The following NELL1 variants were observed in gnomAD, a reference collection of about 807,000 sequenced individuals.
The protein encoded by NELL1 is neural EGFL like 1.
NELL1 carries 76 observed loss-of-function variants against 107.4 expected under a neutral mutation model. The ratio of observed to expected loss-of-function variants is 0.71; its 90% confidence interval spans 0.59 to 0.86. NELL1 has a LOEUF of 0.86. Ranked by LOEUF, NELL1 falls within the 40% of genes least tolerant of loss-of-function variation. The pLI is 0.00. For synonymous variants in NELL1, 353 were observed against 341.2 expected, an observed-to-expected ratio of 1.03 and a Z score of -0.38; for missense variants, 1,024 against 1,005.5, an observed-to-expected ratio of 1.02 and a Z score of -0.25.
chr11:20,885,520 C>A lies in NELL1; in HGVS notation c.583C>A (p.Gln195Lys), dbSNP rs777893396. ...CAATTTATGGCTTGGCCAGCGCAAC[C>A]AAAAGCATGGCTTATTCAAAGTAAG... ...GINLWLGQRN[Q>K]KHGLFKGIIQ... The change falls in exon 5 of 20, where the codon CAA becomes AAA. Residue 195 changes from glutamine to lysine, a missense_variant. Coordinates refer to ENST00000357134, the MANE Select transcript of NELL1 (RefSeq NM_006157.5). 4 of 1,609,606 alleles carry A rather than the reference C, an allele frequency of 2.5e-6. No individual in the cohort carries two copies. Among genetic ancestry groups the A allele is most frequent in the Non-Finnish European group, 3.4e-6 (4 of 1,175,964 alleles).
chr11:21,150,198 G>A (rs928964264), intron 13 of NELL1, among the ~76,000 whole-genome samples: 12 of 152,290 alleles, frequency 7.9e-5, no homozygotes, highest in African/African-American at 2.9e-4. Context: ...AGGAAAGCTT[G>A]TGGTCAGCAC....
chr11:21,221,990 G>A (rs954853221), intron 13 of NELL1, among the ~76,000 whole-genome samples: 6 of 151,948 alleles, frequency 3.9e-5, no homozygotes, highest in East Asian at 1.9e-4. Context: ...CACTGTATCC[G>A]GCCTAGTTGA....
At chr11:21,463,563 T>C (rs1853951840) in intron 15 of NELL1, among the ~76,000 whole-genome samples, 1 of 152,132 alleles carries the variant, frequency 6.6e-6, no homozygotes, top group Non-Finnish European at 1.5e-5. Flanking sequence ...GTCTTCTCTC[T>C]GTAGTTTGAC....
chr11:20,689,535 G>A (rs1300588996), intron 2 of NELL1, among the ~76,000 whole-genome samples: 2 of 147,400 alleles, frequency 1.4e-5, no homozygotes. Flanking sequence ...AACATGCGGT[G>A]TTTGGTTTTT....
At chr11:20,843,637 TTATAAATA>T (rs1848656723) in intron 3 of NELL1, among the ~76,000 whole-genome samples, 1 of 147,446 alleles carries the variant, frequency 6.8e-6, no homozygotes. Context: ...TAAAATTTTA[TTATAAATA>T]TATAAATATA....
At chr11:21,085,734 G>A (rs1407194175) in intron 12 of NELL1, among the ~76,000 whole-genome samples, 2 of 152,178 alleles carry the variant, frequency 1.3e-5, no homozygotes, top group African/African-American at 4.8e-5. Flanking sequence ...ATAGAAATTT[G>A]GCATTGTTAG....
rs765063945 is a variant in NELL1 at position 20,927,302 on chromosome 11, T to C, written c.760-6T>C. The C allele has an allele frequency of 1.2e-6, 2 of 1,600,750 alleles. No individual in the cohort carries two copies. Among genetic ancestry groups the C allele is most frequent in the South Asian group, 1.1e-5 (1 of 87,392 alleles). ...AGAAATTACATTCAGTAACTCTTGTTTGCAGCTAAATTATGCAGAGACAAG... is the reference window on the plus strand; with the variant it reads ...AGAAATTACATTCAGTAACTCTTGTCTGCAGCTAAATTATGCAGAGACAAG... On this transcript the variant is annotated splice_polypyrimidine_tract_variant and splice_region_variant and intron_variant, in intron 7 of 19. Coordinates refer to ENST00000357134, the MANE Select transcript of NELL1 (RefSeq NM_006157.5).
chr11:21,150,268 C>T (rs886983788), intron 13 of NELL1, among the ~76,000 whole-genome samples: 1 of 152,134 alleles, frequency 6.6e-6, no homozygotes, highest in African/African-American at 2.4e-5. Flanking sequence ...TATGGTTGCA[C>T]AGTTGTAAAG....
intron 12 of NELL1, among the ~76,000 whole-genome samples, chr11:21,053,797 A>AT (rs1853552882): frequency 6.6e-6 from 1 of 152,104 alleles, no homozygotes; most frequent in African/African-American, 2.4e-5. Context: ...TTTTCTTTGT[A>AT]TATGTGTCCA....
intron 12 of NELL1, among the ~76,000 whole-genome samples, chr11:21,062,254 G>T (rs1853759627): frequency 6.6e-6 from 1 of 152,144 alleles, no homozygotes; most frequent in African/African-American, 2.4e-5. Flanking sequence ...CTAAGACATA[G>T]TTGGTTACAT....
At chr11:21,458,832 T>G (rs777525640) in intron 15 of NELL1, among the ~76,000 whole-genome samples, 7 of 152,114 alleles carry the variant, frequency 4.6e-5, no homozygotes, top group Non-Finnish European at 7.4e-5. Flanking sequence ...TTTGTAGATA[T>G]GGGGAAAGGA....
At position 21,173,111 on chromosome 11, in the gene NELL1, T is replaced by A. The variant is rs1193457595; in HGVS notation, c.1427-56221T>A. 2.0e-5 allele frequency among the ~76,000 whole-genome samples: 3 copies of A among 151,848 alleles called. 1 individual carries two copies. Among genetic ancestry groups the A allele is most frequent in the African/African-American group, 7.3e-5 (3 of 41,132 alleles). ...GCTAGCTCTCCCTATGCATTTCAAT[T>A]TCAACTGGACTTGCAAAAATTTGAT... On this transcript the variant is annotated intron_variant, in intron 13 of 19. Coordinates refer to ENST00000357134, the MANE Select transcript of NELL1 (RefSeq NM_006157.5).
intron 13 of NELL1, among the ~76,000 whole-genome samples, chr11:21,201,876 T>G (rs1222004253): frequency 6.6e-6 from 1 of 152,236 alleles, no homozygotes; most frequent in Non-Finnish European, 1.5e-5. Flanking sequence ...CTGAATCTAT[T>G]GAGATAATCA....
chr11:21,273,175 T>C (rs990493486), intron 14 of NELL1, among the ~76,000 whole-genome samples: 4 of 152,084 alleles, frequency 2.6e-5, no homozygotes, highest in Admixed American at 1.3e-4. Context: ...GACGAATGGC[T>C]AACTAGAATA....
intron 5 of NELL1, among the ~76,000 whole-genome samples, chr11:20,893,332 A>G (rs1039979906): frequency 1.1e-4 from 16 of 150,818 alleles, no homozygotes; most frequent in Non-Finnish European, 2.1e-4. Flanking sequence ...CACATGTCCT[A>G]TGTCACAAAC....
At chr11:21,204,120 G>T (rs540933245) in intron 13 of NELL1, among the ~76,000 whole-genome samples, 6 of 152,136 alleles carry the variant, frequency 3.9e-5, no homozygotes, top group African/African-American at 1.4e-4. Flanking sequence ...GTATTTTTGT[G>T]GTGGTCTCTG....
chr11:20,742,407 C>T (rs1210648364), intron 2 of NELL1, among the ~76,000 whole-genome samples: 2 of 152,104 alleles, frequency 1.3e-5, no homozygotes, highest in Non-Finnish European at 2.9e-5. Flanking sequence ...TCTTGGCTCC[C>T]ATGGGTCTAC....
chr11:21,365,820 G>C (rs973312410), intron 14 of NELL1, among the ~76,000 whole-genome samples: 1 of 151,498 alleles, frequency 6.6e-6, no homozygotes, highest in Admixed American at 6.6e-5. Context: ...GAGAGGTTGA[G>C]GGGGGAGGAA....
At chr11:20,935,253 C>T (rs1316712682) in intron 9 of NELL1, among the ~76,000 whole-genome samples, 1 of 151,934 alleles carries the variant, frequency 6.6e-6, no homozygotes, top group East Asian at 1.9e-4. Flanking sequence ...GTTCAAAGTA[C>T]AATAGAATAA....
Sources: gnomAD v4.1 joint callset for allele counts (sites outside exome capture counted in the v4.1 genomes callset) on GRCh38, gnomAD v4.1.1 for gene constraint, MANE v1.5 for transcripts, NCBI Gene and HGNC (gene_info 2026-07-23, HGNC 2026-07-21) for gene names.